The following CLBA1 variants were observed in gnomAD, a reference collection of about 807,000 sequenced individuals.
CLBA1 encodes the protein clathrin binding box of aftiphilin containing 1, also known as uncharacterized protein CLBA1.
In CLBA1, 30 loss-of-function variants were observed where a neutral mutation model predicts 28.8. The observed-to-expected ratio is 1.04, with a 90% CI of 0.78 to 1.41. The LOEUF is 1.41. Among genes scored for constraint, CLBA1 ranks in the 40% most tolerant of loss-of-function variants. The probability of loss-of-function intolerance (pLI) is 0.00; values close to 1 mark genes in which losing one functional copy is unlikely to be tolerated. For synonymous variants in CLBA1, 160 were observed against 152.8 expected, an observed-to-expected ratio of 1.05 and a Z score of -0.35; for missense variants, 451 against 412.3, an observed-to-expected ratio of 1.09 and a Z score of -0.81.
chr14:104,992,059 C>T (rs998491181), intron 3 of CLBA1, among the ~76,000 whole-genome samples: 27 of 147,982 alleles, frequency 1.8e-4, no homozygotes, highest in Admixed American at 9.5e-4. Flanking sequence ...ACCACGCACA[C>T]GCCGCCACGC....
intron 3 of CLBA1, among the ~76,000 whole-genome samples, chr14:104,992,023 C>T (rs1037636678): frequency 6.9e-6 from 1 of 144,456 alleles, no homozygotes; most frequent in African/African-American, 2.6e-5. Context: ...CACATGCCGC[C>T]ATGCACACGC....
Position 104,991,476 on chromosome 14 carries a change from G to C in CLBA1, c.570-15G>C, listed in dbSNP as rs1566933077. On this transcript the variant is annotated splice_polypyrimidine_tract_variant and intron_variant, in intron 2 of 4. Coordinates refer to ENST00000547315, the MANE Select transcript of CLBA1 (RefSeq NM_174891.4). ...CTCTCAAGGTCACCTTTTAACAAGT[G>C]CATCTGTTTTCCAGTAACGAATCCA... 6.2e-7 allele frequency: 1 copy of C among 1,613,510 alleles called. No individual in the cohort carries two copies. The highest frequency in any genetic ancestry group is 2.2e-5 in the East Asian group (1 of 44,840).
At chr14:104,993,098 C>T (rs774978210) in intron 4 of CLBA1, 34 bp downstream of exon 4, 96 of 1,599,692 alleles carry the variant, frequency 6.0e-5, no homozygotes, top group Non-Finnish European at 8.0e-5. Flanking sequence ...CTCAGGGAAC[C>T]GCGCTGGCGG....
At chr14:105,001,067 TAAAAAAAA>T (rs71454491) in intron 2 of CLBA1, among the ~76,000 whole-genome samples, 1,275 of 126,284 alleles carry the variant, frequency 0.01, 6 homozygotes, top group Middle Eastern at 0.028. Context: ...TATTCAGCTG[TAAAAAAAA>T]AAAAAAAAAA....
chr14:104,999,328 C>T (rs1900224140), downstream of CLBA1: 1 of 783,080 alleles, frequency 1.3e-6, no homozygotes, highest in Non-Finnish European at 1.5e-6. Flanking sequence ...AGCCGTCAGC[C>T]ACATCAGAGG....
At chr14:104,993,262 A>G in intron 4 of CLBA1, 198 bp downstream of exon 4, 1 of 985,450 alleles carries the variant, frequency 1.0e-6, no homozygotes, top group Non-Finnish European at 1.2e-6. Flanking sequence ...CAAGGAATAT[A>G]AATACCATCC....
At position 104,985,893 on chromosome 14, in the gene CLBA1, T is replaced by A. The variant is rs777520419; in HGVS notation, c.-539T>A. The A allele has an allele frequency of 8.1e-5, 10 of 124,000 alleles. No individual in the cohort carries two copies. Among genetic ancestry groups the A allele is most frequent in the Middle Eastern group, 3.0e-3 (1 of 330 alleles). 7.7% of individuals were successfully genotyped at this position (124,000 alleles called of 1,614,324 possible). On this transcript the variant is annotated 5_prime_UTR_variant, in exon 1 of 5. Coordinates refer to ENST00000547315, the MANE Select transcript of CLBA1 (RefSeq NM_174891.4). ...CGGCGACCAAGGTGGGTGCGGGGACTCTCGGGAGCCGTGGGCCAGGCGCTT... is the reference window on the plus strand; with the variant it reads ...CGGCGACCAAGGTGGGTGCGGGGACACTCGGGAGCCGTGGGCCAGGCGCTT...
intron 2 of CLBA1, 55 bp from the exon 3 acceptor site, chr14:104,991,436 G>T: frequency 6.2e-7 from 1 of 1,607,578 alleles, no homozygotes; most frequent in South Asian, 1.1e-5. Flanking sequence ...CGTGCCTCAT[G>T]ATCTCCTCAG....
chr14:104,986,730 TCCTCGAGGGACC>T lies in CLBA1; in HGVS notation c.301_312del (p.Leu101_Pro104del), dbSNP rs1418500805. ...GGACAATTCTCACAGTCCCTTGAAC[TCCTCGAGGGACC>T]CACAGAACCCCAGCCACCGAGAACC... is the stretch of plus-strand genomic sequence containing the variant. On this transcript the variant is annotated inframe_deletion, in exon 1 of 5. Transcript: ENST00000547315. 6.2e-7 allele frequency: 1 copy of T among 1,613,968 alleles called. No individual in the cohort carries two copies. The highest frequency in any genetic ancestry group is 1.7e-5 in the Admixed American group (1 of 60,004).
intron 2 of CLBA1, chr14:104,990,780 A>G (rs1178318720): frequency 6.5e-6 from 1 of 152,920 alleles, no homozygotes; most frequent in African/African-American, 2.4e-5. Context: ...TGTACTCAGC[A>G]CAGTTCTAGG....
rs776335134 is a variant in CLBA1 at position 104,994,661 on chromosome 14, C to T, written c.880C>T (p.Pro294Ser). ...GACATGCAGCCGCTTCCTGAAGACC[C>T]CCTCATGCGGAGGTGGCCAGCACAT... ...LMTCSRFLKTPSCGGGQHITI... is the reference protein window; with the variant it reads ...LMTCSRFLKTSSCGGGQHITI... The change falls in exon 5 of 5, where the codon CCC (proline) becomes TCC (serine). Residue 294 changes from proline to serine, a missense_variant. By Grantham distance (74) the Pro-to-Ser change is moderately conservative. Coordinates refer to ENST00000547315, the MANE Select transcript of CLBA1 (RefSeq NM_174891.4). 8 of 1,614,000 alleles carry T rather than the reference C, an allele frequency of 5.0e-6. No homozygotes were observed. Among genetic ancestry groups the T allele is most frequent in the Non-Finnish European group, 5.9e-6 (7 of 1,179,996 alleles).
chr14:104,997,978 C>T (rs975207852), downstream of CLBA1, among the ~76,000 whole-genome samples: 3 of 151,960 alleles, frequency 2.0e-5, no homozygotes, highest in East Asian at 3.9e-4. Flanking sequence ...CATTGCACTC[C>T]AGTCTGGGCA....
chr14:104,988,100 A>G (rs937822787), intron 1 of CLBA1, among the ~76,000 whole-genome samples: 1 of 152,188 alleles, frequency 6.6e-6, no homozygotes, highest in Non-Finnish European at 1.5e-5. Flanking sequence ...GAAAGAGTAG[A>G]TAAATGCAGA....
In CLBA1 at chr14:104,994,951, C is replaced by T; in HGVS notation, c.*192C>T. ...CAGGAGATGGAGGATGTGTCCTTGG[C>T]AGAGCCAAGGGGAGACAGAGGTTTC... On this transcript the variant is annotated 3_prime_UTR_variant, in exon 5 of 5. Coordinates refer to ENST00000547315, the MANE Select transcript of CLBA1 (RefSeq NM_174891.4). 7.7e-7 allele frequency: 1 copy of T among 1,298,586 alleles called. No homozygotes were observed. The highest frequency in any genetic ancestry group is 9.8e-7 in the Non-Finnish European group (1 of 1,024,028). 80.4% of individuals were successfully genotyped at this position (1,298,586 alleles called of 1,614,324 possible). A position where few individuals can be genotyped will look rare whatever the true frequency, so the allele number is the denominator to read the frequency against.
downstream of CLBA1, chr14:104,999,372 A>T: frequency 4.7e-6 from 2 of 429,798 alleles, no homozygotes; most frequent in Non-Finnish European, 6.2e-6. Flanking sequence ...TTTGGCCATC[A>T]TGCAAAAAAC....
At chr14:104,997,547 T>C (rs1201987872), downstream of CLBA1, among the ~76,000 whole-genome samples, 1 of 152,202 alleles carries the variant, frequency 6.6e-6, no homozygotes, top group African/African-American at 2.4e-5. Flanking sequence ...AAACCGTACC[T>C]GAACACATCC....
Position 104,991,239 on chromosome 14 carries a change from A to G in CLBA1, c.570-252A>G, listed in dbSNP as rs944095302. 13 of 326,982 alleles carry G rather than the reference A, an allele frequency of 4.0e-5. No individual in the cohort carries two copies. In the East Asian group the frequency reaches 1.1e-3, roughly 27 times the overall value. 20.3% of individuals were successfully genotyped at this position (326,982 alleles called of 1,614,324 possible). On this transcript the variant is annotated intron_variant, in intron 2 of 4. Transcript: ENST00000547315. ...CGGGGTTTCACTATGTTGGCCAGGC[A>G]GATCTTGAACTCCTGACCTCCTGAT...
In CLBA1 at chr14:104,991,616, A is replaced by C. The variant is rs765710202; in HGVS notation, c.695A>C (p.Gln232Pro). 1.9e-6 allele frequency: 3 copies of C among 1,610,226 alleles called. No homozygotes were observed. The African/African-American group carries it at 4.0e-5, about 22-fold the overall frequency. The stretch of plus-strand genomic sequence containing the variant: ...CTTGTTCTCGGAATAGATGCTGCGC[A>C]GAAGGTAGGCGGTTTGGGTTGACAC... ...FFLVLGIDAA[Q>P]KNLSGGQGHI... The change falls in exon 3 of 5, where the codon CAG becomes CCG. Residue 232 changes from glutamine to proline, a missense_variant. By Grantham distance (76) the Gln-to-Pro change is moderately conservative. Transcript: ENST00000547315.
In CLBA1 at chr14:104,986,655, G is replaced by GCAGGGAACA. The variant is rs776552636; in HGVS notation, c.227_228insGGAACACAG (p.Ser75_Ser76insArgGluHis). Reference sequence around the variant, plus strand: ...CGATGTCCTGACCCTGGGGAACACAGCAGCACTTGGGGGGAGTTTGAAGGC... The same window carrying GCAGGGAACA: ...CGATGTCCTGACCCTGGGGAACACAGCAGGGAACACAGCACTTGGGGGGAGTTTGAAGGC... On this transcript the variant is annotated inframe_insertion, in exon 1 of 5. Transcript: ENST00000547315. 19 of 1,614,146 alleles carry GCAGGGAACA rather than the reference G, an allele frequency of 1.2e-5. No homozygotes were observed. Among genetic ancestry groups the GCAGGGAACA allele is most frequent in the Non-Finnish European group, 1.6e-5 (19 of 1,180,028 alleles).
Sources: gnomAD v4.1 joint callset for allele counts (sites outside exome capture counted in the v4.1 genomes callset) on GRCh38, gnomAD v4.1.1 for gene constraint, MANE v1.5 for transcripts, NCBI Gene and HGNC (gene_info 2026-07-23, HGNC 2026-07-21) for gene names.